FOXP1: variants seen among roughly 807,000 people sequenced by gnomAD.
FOXP1 encodes the protein forkhead box protein P1.
FOXP1 carries 15 observed loss-of-function variants against 98.2 expected under a neutral mutation model. That is an observed-to-expected ratio of 0.15 (90% CI 0.10 to 0.24). FOXP1 has a LOEUF of 0.24. FOXP1 is among the 10% of genes least tolerant of loss of function. The pLI, the probability that FOXP1 is intolerant of heterozygous loss-of-function variation, is 1.00. For synonymous variants in FOXP1, 371 were observed against 314.5 expected (o/e 1.18, Z -1.90); for missense variants, 633 against 848.5 (o/e 0.75, Z 3.15).
rs2032446639 is a variant in FOXP1, at chr3:70,958,668, T to C, written c.*579A>G. On this transcript the variant is annotated 3_prime_UTR_variant, in exon 21 of 21. Transcript: ENST00000649528. Reference sequence around the variant, plus strand: ...AAAAAAAAGCAATACATTAAAAAGTTTGGGATAATTATTTTTTAACCCCTC... The same window carrying C: ...AAAAAAAAGCAATACATTAAAAAGTCTGGGATAATTATTTTTTAACCCCTC... The C allele has an allele frequency of 4.8e-6, 1 of 207,788 alleles. No homozygotes were observed. Among genetic ancestry groups the C allele is most frequent in the Non-Finnish European group, 9.3e-6 (1 of 107,684 alleles). 12.9% of individuals were successfully genotyped at this position (207,788 alleles called of 1,614,324 possible). A position where few individuals can be genotyped will look rare whatever the true frequency, so the allele number is the denominator to read the frequency against.
At chr3:71,157,028 G>T (rs1430841188) in intron 6 of FOXP1, among the ~76,000 whole-genome samples, 1 of 152,216 alleles carries the variant, frequency 6.6e-6, no homozygotes, top group Non-Finnish European at 1.5e-5. Flanking sequence ...GGTTCAGAGG[G>T]TACAGGAAAA....
chr3:71,573,452 G>A (rs2047491755), intron 2 of FOXP1: 1 of 151,950 alleles, frequency 6.6e-6, no homozygotes, highest in African/African-American at 2.4e-5. Flanking sequence ...CAGCAAGGAG[G>A]ATAACTTGCT....
At chr3:71,495,986 T>C (rs2091379657) in intron 2 of FOXP1, among the ~76,000 whole-genome samples, 1 of 152,136 alleles carries the variant, frequency 6.6e-6, no homozygotes, top group Non-Finnish European at 1.5e-5. Flanking sequence ...GGGGAAGCCA[T>C]TGTACTTCCC....
intron 11 of FOXP1, among the ~76,000 whole-genome samples, chr3:71,023,469 G>A (rs2045704069): frequency 6.6e-6 from 1 of 152,142 alleles, no homozygotes; most frequent in South Asian, 2.1e-4. Flanking sequence ...AATAAAGAGT[G>A]TCTTAAGCTA....
chr3:71,267,384 C>T (rs985267598), intron 5 of FOXP1, among the ~76,000 whole-genome samples: 49 of 152,004 alleles, frequency 3.2e-4, no homozygotes, highest in Admixed American at 6.6e-5. Context: ...AGAAAGGACT[C>T]GATGGCTAGA....
At chr3:71,106,595 G>T (rs1371951428) in intron 7 of FOXP1, among the ~76,000 whole-genome samples, 1 of 151,310 alleles carries the variant, frequency 6.6e-6, no homozygotes, top group Non-Finnish European at 1.5e-5. Context: ...AAGTGCTGGG[G>T]TTATAGGCGT....
At chr3:70,975,695 G>A (rs1378199026) in intron 17 of FOXP1, among the ~76,000 whole-genome samples, 2 of 152,038 alleles carry the variant, frequency 1.3e-5, no homozygotes, top group African/African-American at 4.8e-5. Context: ...TAAATGTTTT[G>A]GATTTCAGGG....
At chr3:71,515,929 A>T (rs1208852051) in intron 2 of FOXP1, among the ~76,000 whole-genome samples, 1 of 152,244 alleles carries the variant, frequency 6.6e-6, no homozygotes, top group East Asian at 1.9e-4. Flanking sequence ...GTTTGCAGCC[A>T]GGAGAATGGG....
At position 71,013,539 on chromosome 3, in the gene FOXP1, AG is replaced by A. The variant is rs545434643; in HGVS notation, c.974+2009del. On this transcript the variant is annotated intron_variant, in intron 12 of 20. Transcript: ENST00000649528. ...GGAAGAACATTCCATGCTCATGGATAGGAAGAATCAGTATCGTGAAAATGGC... is the reference window on the plus strand; with the variant it reads ...GGAAGAACATTCCATGCTCATGGATAGAAGAATCAGTATCGTGAAAATGGC... Among the ~76,000 whole-genome samples, 18 of 152,374 alleles carry A rather than the reference AG, an allele frequency of 1.2e-4. No individual in the cohort carries two copies. The South Asian group carries it at 2.9e-3, about 25-fold the overall frequency.
rs530454863 is a variant in FOXP1 at position 71,561,793 on chromosome 3, T to C, written c.-298+19756A>G. ...ATCATCGAGCACCAGTATATTTCTT[T>C]GCACAGTATTTTCATTCACTATTCC... is the stretch of plus-strand genomic sequence containing the variant. On this transcript the variant is annotated intron_variant, in intron 2 of 20. Transcript: ENST00000649528. Among the ~76,000 whole-genome samples, 4 of 152,334 alleles carry C rather than the reference T, an allele frequency of 2.6e-5. 1 individual carries two copies. The South Asian group carries it at 8.3e-4, about 32-fold the overall frequency.
At chr3:71,039,247 C>T (rs964553394) in intron 11 of FOXP1, among the ~76,000 whole-genome samples, 1 of 152,114 alleles carries the variant, frequency 6.6e-6, no homozygotes, top group Non-Finnish European at 1.5e-5. Flanking sequence ...GAATTCTTTT[C>T]TGATCCATAT....
At chr3:71,120,824 A>C (rs1236486439) in intron 6 of FOXP1, among the ~76,000 whole-genome samples, 1 of 152,226 alleles carries the variant, frequency 6.6e-6, no homozygotes, top group Non-Finnish European at 1.5e-5. Flanking sequence ...ACATATACTT[A>C]CAGACATGAT....
chr3:71,134,320 C>T (rs2059714736), intron 6 of FOXP1, among the ~76,000 whole-genome samples: 1 of 152,174 alleles, frequency 6.6e-6, no homozygotes, highest in African/African-American at 2.4e-5. Flanking sequence ...CCTCTCTTAA[C>T]AGGGCACAAA....
At position 70,957,752 on chromosome 3, in the gene FOXP1, T is replaced by C. The variant is rs1246460971; in HGVS notation, c.*1495A>G. ...ACATGATATCTTCTATGAGTTTTTG[T>C]GATACTGGGTTGGTGATATAATATT... On this transcript the variant is annotated 3_prime_UTR_variant, in exon 21 of 21. Coordinates refer to ENST00000649528, the MANE Select transcript of FOXP1 (RefSeq NM_001349338.3). The C allele has an allele frequency of 4.3e-6, 1 of 233,588 alleles. No homozygotes were observed. Among genetic ancestry groups the C allele is most frequent in the Non-Finnish European group, 8.5e-6 (1 of 118,106 alleles). The allele number at this position is 233,588 out of a possible 1,614,324, so 14.5% of individuals were successfully genotyped here.
intron 2 of FOXP1, among the ~76,000 whole-genome samples, chr3:71,531,403 C>T (rs918561949): frequency 5.3e-5 from 8 of 152,092 alleles, no homozygotes; most frequent in Admixed American, 6.6e-5. Context: ...TGCTATTCTA[C>T]GGGAAGAAAC....
chr3:71,051,339 A>G (rs1280882741), intron 9 of FOXP1, among the ~76,000 whole-genome samples: 24 of 152,182 alleles, frequency 1.6e-4, no homozygotes, highest in Admixed American at 1.6e-3. Flanking sequence ...CCTACTCTGC[A>G]GGGGTTTACA....
chr3:71,512,772 C>T (rs898092032), intron 2 of FOXP1, among the ~76,000 whole-genome samples: 3 of 152,166 alleles, frequency 2.0e-5, no homozygotes, highest in South Asian at 2.1e-4. Context: ...ATCCTGGTGC[C>T]GTCATCTCTT....
intron 2 of FOXP1, among the ~76,000 whole-genome samples, chr3:71,523,844 A>G (rs1183701735): frequency 1.3e-5 from 2 of 152,094 alleles, no homozygotes; most frequent in Non-Finnish European, 2.9e-5. Flanking sequence ...TCTCACCCCC[A>G]TTTTATAATT....
At chr3:71,175,882 G>C (rs2061913582) in intron 6 of FOXP1, among the ~76,000 whole-genome samples, 1 of 152,152 alleles carries the variant, frequency 6.6e-6, no homozygotes, top group African/African-American at 2.4e-5. Context: ...TGTTCTATGT[G>C]AGCAAAGCAG....
Sources: allele counts gnomAD v4.1 joint callset (sites outside exome capture counted in the v4.1 genomes callset), GRCh38; gene constraint gnomAD v4.1.1; transcripts MANE v1.5; gene names NCBI Gene and HGNC (gene_info 2026-07-23, HGNC 2026-07-21).